Variants in NAV2 observed in about 807,000 individuals in gnomAD.
NAV2 encodes helicase, APC down-regulated 1.
Under a neutral mutation model 223.2 loss-of-function variants are expected in NAV2, and 54 were observed. That is an observed-to-expected ratio of 0.24 (90% CI 0.19 to 0.30). The LOEUF (loss-of-function observed/expected upper bound fraction) is 0.30. Among genes scored for constraint, NAV2 ranks in the 10% least tolerant of loss-of-function variants. NAV2 has a pLI of 1.00. For synonymous variants in NAV2, 1,279 were observed against 1,239.3 expected, an observed-to-expected ratio of 1.03 and a Z score of -0.67; for missense variants, 2,806 against 3,147.5, an observed-to-expected ratio of 0.89 and a Z score of 2.60.
chr11:19,753,287 C>A (rs1180777322), intron 1 of NAV2, among the ~76,000 whole-genome samples: 1 of 152,140 alleles, frequency 6.6e-6, no homozygotes, highest in Non-Finnish European at 1.5e-5. Flanking sequence ...TAGGCCTTTG[C>A]ATATTCTGTT....
chr11:19,618,408 G>A (rs71453075), intron 1 of NAV2, among the ~76,000 whole-genome samples: 15,063 of 140,326 alleles, frequency 0.11, 1,452 homozygotes, highest in African/African-American at 0.27. Flanking sequence ...ATAGATGGAT[G>A]GATGGATGGA....
In NAV2 at chr11:19,984,105, ATCT is replaced by A. The variant is rs1400799810; in HGVS notation, c.2646-13_2646-11del. 1.8e-5 allele frequency: 29 copies of A among 1,613,918 alleles called. No individual in the cohort carries two copies. The highest frequency in any genetic ancestry group is 2.4e-5 in the Non-Finnish European group (28 of 1,179,900). On this transcript the variant is annotated splice_polypyrimidine_tract_variant and intron_variant, in intron 10 of 37. Transcript: ENST00000349880. ...CTTGCTTTGGACATTCATGTGCATCATCTTCTTCTCCTTTTAAAGATACATGAC... is the reference window on the plus strand; with the variant it reads ...CTTGCTTTGGACATTCATGTGCATCATCTTCTCCTTTTAAAGATACATGAC...
At position 19,414,509 on chromosome 11, in the gene NAV2, C is replaced by A. The variant is rs545008439; in HGVS notation, c.75+63482C>A. Among the ~76,000 whole-genome samples, 5 of 152,218 alleles carry A rather than the reference C, an allele frequency of 3.3e-5. No homozygotes were observed. In the South Asian group the frequency reaches 1.0e-3, roughly 32 times the overall value. ...ACAATAATAGTGGGAGATTTTAACA[C>A]CCCACTGTCAATATTAGACAGATCA... On this transcript the variant is annotated intron_variant, in intron 1 of 37. Transcript: ENST00000360655.
chr11:19,390,680 T>A (rs2702679), intron 1 of NAV2, among the ~76,000 whole-genome samples: 148,055 of 152,234 alleles, frequency 0.97, 72,129 homozygotes, highest in Middle Eastern at 1. Flanking sequence ...GAGGAAAGTA[T>A]AGTAGGGTAA....
At chr11:19,346,081 G>T (rs1006145043), upstream of NAV2, among the ~76,000 whole-genome samples, 1 of 152,104 alleles carries the variant, frequency 6.6e-6, no homozygotes. Flanking sequence ...GAGCGCGTGT[G>T]TTTTCTGTCT....
chr11:19,583,451 G>C (rs1464258451), intron 1 of NAV2, among the ~76,000 whole-genome samples: 1 of 152,166 alleles, frequency 6.6e-6, no homozygotes. Context: ...TCCCTGTCTT[G>C]TGCCAGTTTT....
chr11:19,617,659 G>C (rs185865714), intron 1 of NAV2, among the ~76,000 whole-genome samples: 1 of 152,336 alleles, frequency 6.6e-6, no homozygotes, highest in South Asian at 2.1e-4. Flanking sequence ...CTTAGGTAAG[G>C]TGGTCCCAGG....
chr11:19,879,992 A>C lies in NAV2; in HGVS notation c.635A>C (p.Gln212Pro). ...LSSPLPPAVS[Q>P]VAGAPSQCQA... ...TCACCTCTGCCGCCCGCCGTATCCC[A>C]GGTGGCCGGGGCCCCCTCCCAGTGC... The change falls in exon 5 of 38, where the codon CAG (glutamine) becomes CCG (proline). Residue 212 changes from glutamine (Q) to proline (P), a missense_variant. Coordinates refer to ENST00000349880, the MANE Select transcript of NAV2 (RefSeq NM_145117.5). The C allele has an allele frequency of 6.2e-7, 1 of 1,613,860 alleles. No homozygotes were observed.
intron 1 of NAV2, among the ~76,000 whole-genome samples, chr11:19,392,590 G>T (rs978825043): frequency 6.6e-6 from 1 of 152,160 alleles, no homozygotes; most frequent in African/African-American, 2.4e-5. Flanking sequence ...AGCAAGCCAG[G>T]CAGAAAATGT....
chr11:19,674,869 A>G (rs10741789), intron 1 of NAV2, among the ~76,000 whole-genome samples: 108,640 of 152,152 alleles, frequency 0.71, 44,725 homozygotes, highest in Non-Finnish European at 0.91. Flanking sequence ...TTCAAATCTA[A>G]CACAGAATTT....
chr11:19,358,916 A>T (rs757923016), intron 1 of NAV2, among the ~76,000 whole-genome samples: 55 of 152,212 alleles, frequency 3.6e-4, no homozygotes, highest in Non-Finnish European at 7.1e-4. Context: ...TACACTTTGC[A>T]CCTCACATGT....
intron 10 of NAV2, among the ~76,000 whole-genome samples, chr11:19,956,381 C>CACATACACACACACACACAT (rs2047871626): frequency 6.7e-6 from 1 of 148,404 alleles, no homozygotes; most frequent in Non-Finnish European, 1.5e-5. Flanking sequence ...CACACACACA[C>CACATACACACACACACACAT]ACACACACAC....
At position 20,114,681 on chromosome 11, in the gene NAV2, G is replaced by T. The variant is rs2153725262; in HGVS notation, c.7050G>T (p.Trp2350Cys). 6.2e-7 allele frequency: 1 copy of T among 1,614,188 alleles called. No individual in the cohort carries two copies. The highest frequency in any genetic ancestry group is 1.6e-4 in the Middle Eastern group (1 of 6,062). The change falls in exon 37 of 38, where the codon TGG becomes TGT. Residue 2350 changes from tryptophan (W) to cysteine (C), a missense_variant. Trp to Cys is a radical substitution (Grantham distance 215). Around this residue, in one of 4 missense-constraint regions of NAV2, gnomAD observed 824 missense variants for 1,069.4 expected, o/e 0.77. Transcript: ENST00000349880. ...PWAASPQQHE[W>C]PPLLQLRPED... ...CAGCCAGCCCACAACAGCACGAGTGGCCTCCCCTGCTGCAGTTACGGCCTG... is the reference window on the plus strand; with the variant it reads ...CAGCCAGCCCACAACAGCACGAGTGTCCTCCCCTGCTGCAGTTACGGCCTG...
intron 1 of NAV2, among the ~76,000 whole-genome samples, chr11:19,408,049 C>T (rs544830361): frequency 6.6e-6 from 1 of 152,208 alleles, no homozygotes; most frequent in Admixed American, 6.5e-5. Context: ...ATGAAAACAG[C>T]CCAGTGCCGT....
At chr11:20,093,440 C>T (rs796555856) in intron 29 of NAV2, among the ~76,000 whole-genome samples, 34 of 152,246 alleles carry the variant, frequency 2.2e-4, no homozygotes, top group African/African-American at 8.2e-4. Flanking sequence ...AATGGTCCCA[C>T]GTTTCACTTT....
intron 1 of NAV2, among the ~76,000 whole-genome samples, chr11:19,770,670 C>T (rs74982319): frequency 0.029 from 4,394 of 152,282 alleles, 85 homozygotes; most frequent in Non-Finnish European, 0.048. Flanking sequence ...TAAAAAACCA[C>T]TTACCCTGGA....
chr11:19,471,150 A>G (rs2041952423), intron 1 of NAV2, among the ~76,000 whole-genome samples: 1 of 152,176 alleles, frequency 6.6e-6, no homozygotes, highest in Non-Finnish European at 1.5e-5. Context: ...ACTCCTGGCC[A>G]CATCCTCGTG....
intron 1 of NAV2, among the ~76,000 whole-genome samples, chr11:19,809,346 C>T (rs1467272020): frequency 6.6e-6 from 1 of 152,208 alleles, no homozygotes; most frequent in Non-Finnish European, 1.5e-5. Flanking sequence ...GCTAAATCCA[C>T]ATGTTATCCA....
chr11:20,020,139 A>T (rs1466197799), intron 11 of NAV2, among the ~76,000 whole-genome samples: 1 of 152,238 alleles, frequency 6.6e-6, no homozygotes, highest in Non-Finnish European at 1.5e-5. Flanking sequence ...TAAAATACTC[A>T]TTAGAAATAA....
Sources: gnomAD v4.1 joint callset for allele counts (sites outside exome capture counted in the v4.1 genomes callset) on GRCh38, gnomAD v4.1.1 for gene constraint, gnomAD v4.1.1 regional missense constraint, MANE v1.5 for transcripts, NCBI Gene and HGNC (gene_info 2026-07-23, HGNC 2026-07-21) for gene names.